The following MECOM variants were observed in gnomAD, a reference collection of about 807,000 sequenced individuals.
The protein encoded by MECOM is histone-lysine N-methyltransferase MECOM.
A neutral mutation model predicts 116.3 loss-of-function variants in MECOM; 13 were observed. The ratio of observed to expected loss-of-function variants is 0.11; its 90% CI spans 0.07 to 0.18. The LOEUF (loss-of-function observed/expected upper bound fraction) is 0.18. MECOM is among the 10% of genes least tolerant of loss of function. The pLI is 1.00. For synonymous variants in MECOM, 528 were observed against 535.2 expected, an observed-to-expected ratio of 0.99 and a Z score of 0.19; for missense variants, 1,299 against 1,509.0, an observed-to-expected ratio of 0.86 and a Z score of 2.31.
chr3:169,091,905 G>A (rs998428037), intron 14 of MECOM, among the ~76,000 whole-genome samples: 1 of 151,920 alleles, frequency 6.6e-6, no homozygotes, highest in Non-Finnish European at 1.5e-5. Flanking sequence ...AATAATACTT[G>A]TATGATGAAA....
chr3:169,205,262 G>A (rs915442841), intron 2 of MECOM, among the ~76,000 whole-genome samples: 3 of 152,062 alleles, frequency 2.0e-5, no homozygotes, highest in Admixed American at 6.6e-5. Flanking sequence ...CTTAACTATC[G>A]AGTTTCTAGT....
At chr3:169,187,367 T>C (rs1469437074) in intron 2 of MECOM, among the ~76,000 whole-genome samples, 1 of 152,146 alleles carries the variant, frequency 6.6e-6, no homozygotes, top group African/African-American at 2.4e-5. Context: ...TAGCAGAACA[T>C]TCATCAATGA....
chr3:169,609,396 T>C (rs1219948411), intron 1 of MECOM, among the ~76,000 whole-genome samples: 1 of 152,144 alleles, frequency 6.6e-6, no homozygotes, highest in Non-Finnish European at 1.5e-5. Context: ...CCCATATCAC[T>C]GGGTGATGTA....
chr3:169,503,442 A>C (rs2108988100), intron 1 of MECOM, among the ~76,000 whole-genome samples: 1 of 152,338 alleles, frequency 6.6e-6, no homozygotes, highest in South Asian at 2.1e-4. Context: ...TGAATATTAC[A>C]GTGATTGAAA....
chr3:169,485,744 G>T (rs562713640), intron 1 of MECOM, among the ~76,000 whole-genome samples: 3 of 150,674 alleles, frequency 2.0e-5, no homozygotes, highest in Admixed American at 6.7e-5. Context: ...ATTTGGCAAC[G>T]AAATATGCGA....
intron 2 of MECOM, among the ~76,000 whole-genome samples, chr3:169,182,287 CTCT>C (rs1746069785): frequency 6.6e-6 from 1 of 152,204 alleles, no homozygotes; most frequent in South Asian, 2.1e-4. Context: ...AATCAGCATA[CTCT>C]TCTTTGTGGT....
chr3:169,466,406 A>G (rs544267815), intron 1 of MECOM, among the ~76,000 whole-genome samples: 1 of 152,192 alleles, frequency 6.6e-6, no homozygotes, highest in Non-Finnish European at 1.5e-5. Context: ...ACAGCAAGAT[A>G]AATGAAAGAC....
Position 169,663,547 on chromosome 3 carries a change from C to A in MECOM, c.-175G>T, listed in dbSNP as rs1397184366. On this transcript the variant is annotated 5_prime_UTR_variant, in exon 1 of 17. Coordinates refer to ENST00000651503, the MANE Select transcript of MECOM (RefSeq NM_004991.4). The stretch of plus-strand genomic sequence containing the variant: ...CTCTCTCTCCCTCCCTCCTGTTTCT[C>A]TCCTGTTTCTCTCTCTCTTCCACAC... The A allele has an allele frequency of 1.0e-5, 6 of 592,016 alleles. No homozygotes were observed. The highest frequency in any genetic ancestry group is 3.1e-5 in the Admixed American group (1 of 32,240). The allele number at this position is 592,016 out of a possible 1,614,324, so 36.7% of individuals were successfully genotyped here.
intron 1 of MECOM, among the ~76,000 whole-genome samples, chr3:169,518,211 A>T (rs1313017248): frequency 6.6e-6 from 1 of 151,920 alleles, no homozygotes; most frequent in African/African-American, 2.4e-5. Flanking sequence ...GTGAGCCGAG[A>T]TCGCACCACT....
At chr3:169,141,066 G>T (rs900100464) in intron 3 of MECOM, among the ~76,000 whole-genome samples, 5 of 151,814 alleles carry the variant, frequency 3.3e-5, no homozygotes, top group Non-Finnish European at 5.9e-5. Context: ...TTTAACATTA[G>T]AATTTTTAAA....
At chr3:169,608,085 C>T (rs1392456057) in intron 1 of MECOM, among the ~76,000 whole-genome samples, 2 of 152,146 alleles carry the variant, frequency 1.3e-5, no homozygotes, top group Admixed American at 1.3e-4. Context: ...ATCACTGATC[C>T]GATCCAGTGC....
At chr3:169,198,977 G>A (rs1748802511) in intron 2 of MECOM, among the ~76,000 whole-genome samples, 1 of 151,962 alleles carries the variant, frequency 6.6e-6, no homozygotes, top group Non-Finnish European at 1.5e-5. Context: ...GATGGAATAA[G>A]TGTGGTCTAT....
intron 2 of MECOM, among the ~76,000 whole-genome samples, chr3:169,369,615 G>T (rs1209013675): frequency 2.6e-5 from 4 of 151,814 alleles, no homozygotes; most frequent in Admixed American, 6.6e-5. Context: ...CACCCAAAGT[G>T]CTGGAATTAC....
intron 2 of MECOM, 93 bp from the exon 3 acceptor site, chr3:169,143,925 T>C: frequency 7.3e-7 from 1 of 1,364,400 alleles, no homozygotes; most frequent in Non-Finnish European, 9.6e-7. Flanking sequence ...AAATGTATAT[T>C]CCTTCTTTGG....
At chr3:169,350,242 A>C (rs182850888) in intron 2 of MECOM, among the ~76,000 whole-genome samples, 23 of 152,104 alleles carry the variant, frequency 1.5e-4, no homozygotes, top group African/African-American at 5.1e-4. Flanking sequence ...AGAACTAAAA[A>C]TAAATTAAAA....
At chr3:169,472,670 A>G (rs13062410) in intron 1 of MECOM, among the ~76,000 whole-genome samples, 21,182 of 66,958 alleles carry the variant, frequency 0.32, 4,861 homozygotes, top group African/African-American at 0.58. Flanking sequence ...AAGGAAAGGA[A>G]AGGAGAGGAG....
At chr3:169,387,743 G>GGT (rs148081195) in intron 1 of MECOM, among the ~76,000 whole-genome samples, 3 of 151,680 alleles carry the variant, frequency 2.0e-5, no homozygotes, top group Non-Finnish European at 2.9e-5. Flanking sequence ...TGTGTGTAGG[G>GGT]GTGTGTGTGT....
chr3:169,378,458 CAAGCAAGCAAGCAAGCAA>C (rs1731587452), intron 2 of MECOM, among the ~76,000 whole-genome samples: 1 of 41,858 alleles, frequency 2.4e-5, no homozygotes, highest in African/African-American at 1.2e-4. Context: ...AGAAGGAAAG[CAAGCAAGCAAGCAAGCAA>C]GAAAGAGAGA....
chr3:169,586,648 C>T (rs1765812220), intron 1 of MECOM, among the ~76,000 whole-genome samples: 1 of 152,124 alleles, frequency 6.6e-6, no homozygotes, highest in African/African-American at 2.4e-5. Context: ...AAAGCATTTG[C>T]CTTTGTAACA....
Sources: allele counts gnomAD v4.1 joint callset (sites outside exome capture counted in the v4.1 genomes callset), GRCh38; gene constraint gnomAD v4.1.1; transcripts MANE v1.5; gene names NCBI Gene and HGNC (gene_info 2026-07-23, HGNC 2026-07-21).